Variants in BACH2 observed in about 807,000 individuals in gnomAD.
The protein encoded by BACH2 is BACH transcriptional regulator 2.
A neutral mutation model predicts 61.8 loss-of-function variants in BACH2; 5 were observed. The ratio of observed to expected loss-of-function variants is 0.08; its 90% CI spans 0.04 to 0.17. BACH2 has a LOEUF of 0.17. Ranked by LOEUF, BACH2 falls within the 10% of genes least tolerant of loss-of-function variation. The probability of loss-of-function intolerance (pLI) is 1.00; values close to 1 mark genes in which losing one functional copy is unlikely to be tolerated. For missense variants in BACH2, 824 were observed against 1,091.1 expected, an observed-to-expected ratio of 0.76 and a Z score of 3.45; for synonymous variants, 446 against 440.1, an observed-to-expected ratio of 1.01 and a Z score of -0.17.
intron 3 of BACH2, among the ~76,000 whole-genome samples, chr6:90,231,957 A>C (rs773580165): frequency 2.6e-5 from 4 of 152,176 alleles, no homozygotes; most frequent in African/African-American, 9.7e-5. Context: ...TTCAATAGAC[A>C]TGATATATTT....
intron 5 of BACH2, among the ~76,000 whole-genome samples, chr6:90,056,650 C>T (rs1039433651): frequency 3.5e-4 from 54 of 152,198 alleles, no homozygotes; most frequent in Non-Finnish European, 5.7e-4. Context: ...ACTCTCCACC[C>T]CAAATCAACA....
intron 1 of BACH2, among the ~76,000 whole-genome samples, chr6:90,285,024 G>T (rs996826874): frequency 6.6e-6 from 1 of 152,182 alleles, no homozygotes; most frequent in Non-Finnish European, 1.5e-5. Flanking sequence ...TTCCCCAGCT[G>T]ATCTTACTTT....
rs374246058 is a variant in BACH2, at chr6:89,980,928, G to C, written c.243+27674C>G. On this transcript the variant is annotated intron_variant, in intron 6 of 8. Transcript: ENST00000257749. Reference sequence around the variant, plus strand: ...TTTTTTTTTTTTTAACCAGTGAATGGGGTTAGAATGTTCTTCTTCCTTGTG... The same window carrying C: ...TTTTTTTTTTTTTAACCAGTGAATGCGGTTAGAATGTTCTTCTTCCTTGTG... 2.5e-3 allele frequency among the ~76,000 whole-genome samples: 381 copies of C among 151,650 alleles called. 4 individuals are homozygous for C. Among genetic ancestry groups the C allele is most frequent in the African/African-American group, 8.2e-3 (339 of 41,364 alleles).
rs569946082 is a variant in BACH2 at position 89,963,217 on chromosome 6, C to CA, written c.244-11356dup. Among the ~76,000 whole-genome samples the CA allele has an allele frequency of 7.2e-5, 11 of 152,128 alleles. No individual in the cohort carries two copies. In the East Asian group the frequency reaches 1.3e-3, roughly 19 times the overall value. On this transcript the variant is annotated intron_variant, in intron 6 of 8. Transcript: ENST00000257749. ...TTACACCCACTGGGATGACTACTAC[C>CA]AAAAAAACAGAGTAACAAGTGTCAG...
At chr6:90,044,209 A>C (rs1779676775) in intron 5 of BACH2, among the ~76,000 whole-genome samples, 1 of 152,212 alleles carries the variant, frequency 6.6e-6, no homozygotes, top group Non-Finnish European at 1.5e-5. Context: ...GCAGTGAAGG[A>C]TGTGGGCGGT....
rs190515494 is a variant in BACH2, at chr6:89,934,645, C to T, written c.2044-1755G>A. On this transcript the variant is annotated intron_variant, in intron 8 of 8. Transcript: ENST00000257749. ...CTGCACTCCAGTCTGGGCGACAGAG[C>T]GAGACTTTGTCTCAAAAAAAAGAAA... Among the ~76,000 whole-genome samples, 473 of 151,456 alleles carry T rather than the reference C, an allele frequency of 3.1e-3. 2 individuals are homozygous for T. Among genetic ancestry groups the T allele is most frequent in the African/African-American group, 0.011 (456 of 41,170 alleles).
chr6:90,053,161 A>G (rs536278762), intron 5 of BACH2, among the ~76,000 whole-genome samples: 28 of 152,222 alleles, frequency 1.8e-4, no homozygotes, highest in Non-Finnish European at 3.8e-4. Context: ...AGTTTTACAC[A>G]GTATTTTAAA....
intron 6 of BACH2, among the ~76,000 whole-genome samples, chr6:89,974,369 C>T (rs1199120722): frequency 6.6e-6 from 1 of 152,158 alleles, no homozygotes; most frequent in African/African-American, 2.4e-5. Context: ...GCCTGGCATA[C>T]CCTGGATGCT....
At chr6:90,144,868 A>C (rs1373779788) in intron 4 of BACH2, among the ~76,000 whole-genome samples, 1 of 152,216 alleles carries the variant, frequency 6.6e-6, no homozygotes, top group Non-Finnish European at 1.5e-5. Context: ...CGTGATTGTA[A>C]AACACTTCTC....
intron 3 of BACH2, among the ~76,000 whole-genome samples, chr6:90,232,383 T>C (rs1165177832): frequency 6.6e-6 from 1 of 152,212 alleles, no homozygotes; most frequent in African/African-American, 2.4e-5. Context: ...TGACAAAGCA[T>C]TGAAATCACC....
chr6:89,969,684 C>G (rs545479726), intron 6 of BACH2, among the ~76,000 whole-genome samples: 2 of 152,286 alleles, frequency 1.3e-5, no homozygotes, highest in Non-Finnish European at 1.5e-5. Context: ...CCAGTGCCCT[C>G]CACCCCACCT....
At chr6:90,009,285 T>C (rs909825524) in intron 5 of BACH2, among the ~76,000 whole-genome samples, 1 of 152,246 alleles carries the variant, frequency 6.6e-6, no homozygotes, top group East Asian at 1.9e-4. Context: ...CATTTTGAAG[T>C]ATTTGTAATG....
chr6:90,129,473 G>A (rs1051054015), intron 4 of BACH2, among the ~76,000 whole-genome samples: 2 of 151,988 alleles, frequency 1.3e-5, no homozygotes, highest in Non-Finnish European at 2.9e-5. Flanking sequence ...GCCATGGTGT[G>A]TGTTGTTCCC....
intron 4 of BACH2, among the ~76,000 whole-genome samples, chr6:90,106,020 G>GA (rs2127814006): frequency 6.6e-6 from 1 of 152,308 alleles, no homozygotes; most frequent in African/African-American, 2.4e-5. Context: ...AGGGAAGAAG[G>GA]AAACAGGGCA....
intron 5 of BACH2, among the ~76,000 whole-genome samples, chr6:90,088,494 A>C (rs951745818): frequency 1.3e-5 from 2 of 151,964 alleles, no homozygotes; most frequent in African/African-American, 4.9e-5. Flanking sequence ...TTTCTGAGAC[A>C]TAAGTCAGTG....
At chr6:90,239,930 G>A (rs576359401) in intron 3 of BACH2, among the ~76,000 whole-genome samples, 10 of 150,202 alleles carry the variant, frequency 6.7e-5, no homozygotes, top group African/African-American at 2.2e-4. Flanking sequence ...TAGGAAAAAC[G>A]AACACATGAA....
intron 3 of BACH2, among the ~76,000 whole-genome samples, chr6:90,215,443 G>A (rs1402316652): frequency 1.3e-5 from 2 of 152,094 alleles, no homozygotes; most frequent in African/African-American, 4.8e-5. Flanking sequence ...ACACTCTAAG[G>A]CCAGTGGCAT....
chr6:89,932,260 C>T lies in BACH2; in HGVS notation c.*148G>A, dbSNP rs1584492780. 9.4e-7 allele frequency: 1 copy of T among 1,068,118 alleles called. No individual in the cohort carries two copies. Among genetic ancestry groups the T allele is most frequent in the Non-Finnish European group, 1.4e-6 (1 of 737,854 alleles). The allele number at this position is 1,068,118 out of a possible 1,614,324, so 66.2% of individuals were successfully genotyped here. A position where few individuals can be genotyped will look rare whatever the true frequency, so the allele number is the denominator to read the frequency against. On this transcript the variant is annotated 3_prime_UTR_variant, in exon 9 of 9. Coordinates refer to ENST00000257749, the MANE Select transcript of BACH2 (RefSeq NM_021813.4). ...TCCTGCTCGAGAAGAGGAGAGGATACTTCGGAACAGTATTGCTGCTAAGAC... is the reference window on the plus strand; with the variant it reads ...TCCTGCTCGAGAAGAGGAGAGGATATTTCGGAACAGTATTGCTGCTAAGAC...
At chr6:90,269,243 T>C (rs1771444340) in intron 2 of BACH2, among the ~76,000 whole-genome samples, 1 of 151,342 alleles carries the variant, frequency 6.6e-6, no homozygotes, top group African/African-American at 2.4e-5. Context: ...TATTCTATGC[T>C]GGGGGTGAGG....
Sources: gnomAD v4.1 joint callset for allele counts (sites outside exome capture counted in the v4.1 genomes callset) on GRCh38, gnomAD v4.1.1 for gene constraint, MANE v1.5 for transcripts, NCBI Gene and HGNC (gene_info 2026-07-23, HGNC 2026-07-21) for gene names.